Variants in KCNA6 observed in about 807,000 individuals in gnomAD.
KCNA6 encodes potassium voltage-gated channel subfamily A member 6.
KCNA6 carries 17 observed loss-of-function variants against 29.5 expected under a neutral mutation model. The ratio of observed to expected loss-of-function variants is 0.58; its 90% CI spans 0.39 to 0.86. KCNA6 has a LOEUF of 0.86. KCNA6 is among the 40% of genes least tolerant of loss of function. KCNA6 has a pLI of 0.00. For synonymous variants in KCNA6, 296 were observed against 304.7 expected, an observed-to-expected ratio of 0.97 and a Z score of 0.30; for missense variants, 450 against 703.4, an observed-to-expected ratio of 0.64 and a Z score of 4.07.
chr12:4,849,187 T>C, the KCNA6 span, among the ~76,000 whole-genome samples: 1 of 151,830 alleles, frequency 6.6e-6, no homozygotes, highest in Non-Finnish European at 1.5e-5. Flanking sequence ...AAGAACATGC[T>C]GTAGGTGGCG....
At chr12:4,821,912 C>G in the KCNA6 span, among the ~76,000 whole-genome samples, 2 of 152,218 alleles carry the variant, frequency 1.3e-5, 1 homozygote, top group South Asian at 4.2e-4. Flanking sequence ...TCTCGGCTCA[C>G]CGCAACCTCT....
rs1565402433 is a variant in KCNA6 at position 4,810,905 on chromosome 12, G to A, written c.864G>A (p.Lys288=). ...TGCGCTTCTCCGCCTGCCCTAGCAA[G>A]CCGGCCTTCTTCCGGAACATCATGA... Residue 288 remains lysine, a synonymous_variant, in exon 1 of 1, where the codon AAG becomes AAA. Coordinates refer to ENST00000280684, the Ensembl canonical transcript of KCNA6. The surrounding 1 kb of genome is among the most constrained non-coding windows in gnomAD (Gnocchi z 7.5). 6.2e-7 allele frequency: 1 copy of A among 1,614,088 alleles called. No homozygotes were observed. Among genetic ancestry groups the A allele is most frequent in the Non-Finnish European group, 8.5e-7 (1 of 1,180,046 alleles).
the KCNA6 span, among the ~76,000 whole-genome samples, chr12:4,823,584 T>C: frequency 6.6e-6 from 1 of 152,038 alleles, no homozygotes. Flanking sequence ...CTGGCCAATA[T>C]GGTGAAACTC....
the KCNA6 span, among the ~76,000 whole-genome samples, chr12:4,841,276 A>G: frequency 6.6e-6 from 1 of 152,194 alleles, no homozygotes; most frequent in East Asian, 1.9e-4. Flanking sequence ...TTTCTGTGTA[A>G]TAATGCTGTA....
At chr12:4,828,994 CTGTGTT>C in the KCNA6 span, among the ~76,000 whole-genome samples, 1 of 152,090 alleles carries the variant, frequency 6.6e-6, no homozygotes, top group African/African-American at 2.4e-5. Flanking sequence ...CTTGGGGTCT[CTGTGTT>C]TGTGAGTGCA....
At chr12:4,817,817 C>T (rs573386131), downstream of KCNA6, among the ~76,000 whole-genome samples, 8 of 152,282 alleles carry the variant, frequency 5.3e-5, no homozygotes, top group South Asian at 1.7e-3. Context: ...TCCTCGGTCA[C>T]GAGCCTCAGC....
chr12:4,838,171 T>C, the KCNA6 span, among the ~76,000 whole-genome samples: 1 of 152,188 alleles, frequency 6.6e-6, no homozygotes. Flanking sequence ...TAAGAACCCC[T>C]TCCTCAGACG....
the KCNA6 span, among the ~76,000 whole-genome samples, chr12:4,829,030 G>A: frequency 2.0e-5 from 3 of 152,216 alleles, no homozygotes; most frequent in East Asian, 5.8e-4. Context: ...ATATGCAAGT[G>A]TTTGTATAAT....
the KCNA6 span, among the ~76,000 whole-genome samples, chr12:4,843,714 A>T: frequency 6.6e-6 from 1 of 152,156 alleles, no homozygotes; most frequent in Non-Finnish European, 1.5e-5. Context: ...AAGTGGGAGC[A>T]GGCAGTTCAC....
At chr12:4,848,075 C>T in the KCNA6 span, among the ~76,000 whole-genome samples, 1 of 152,156 alleles carries the variant, frequency 6.6e-6, no homozygotes. Context: ...TTATATGGTG[C>T]CAGCTTTCCT....
chr12:4,838,562 C>G, the KCNA6 span, among the ~76,000 whole-genome samples: 1 of 152,190 alleles, frequency 6.6e-6, no homozygotes, highest in Non-Finnish European at 1.5e-5. Context: ...AAATGAGAAA[C>G]TCTGTTATGT....
the KCNA6 span, among the ~76,000 whole-genome samples, chr12:4,844,056 C>T: frequency 6.6e-6 from 1 of 151,746 alleles, no homozygotes; most frequent in Admixed American, 6.6e-5. The surrounding 1 kb of genome is among the most constrained non-coding windows in gnomAD (Gnocchi z 4.0). Flanking sequence ...ATTTTAAGTT[C>T]GTTTTCTGGG....
chr12:4,841,433 T>G, the KCNA6 span, among the ~76,000 whole-genome samples: 19,149 of 152,194 alleles, frequency 0.13, 1,371 homozygotes, highest in African/African-American at 0.18. Context: ...CAAAGCATAG[T>G]TGTTAAAACT....
At position 4,811,789 on chromosome 12, in the gene KCNA6, C is replaced by T. The variant is rs1396776738; in HGVS notation, c.*158C>T. On this transcript the variant is annotated 3_prime_UTR_variant, in exon 1 of 1. Coordinates refer to ENST00000280684, the Ensembl canonical transcript of KCNA6. This position sits in a 1 kb window ranked among gnomAD's most constrained non-coding sequence, Gnocchi z 7.1. ...AGGACCAAATACCTGGACTATCAAC[C>T]TTGTTGCTTAATCCCTGCAGCATTC... 2.5e-6 allele frequency: 2 copies of T among 811,042 alleles called. No homozygotes were observed. The highest frequency in any genetic ancestry group is 2.8e-5 in the Admixed American group (1 of 35,546). 50.2% of individuals were successfully genotyped at this position (811,042 alleles called of 1,614,324 possible).
At chr12:4,848,953 C>G in the KCNA6 span, among the ~76,000 whole-genome samples, 1 of 151,748 alleles carries the variant, frequency 6.6e-6, no homozygotes, top group African/African-American at 2.4e-5. Flanking sequence ...AACCCCGTCT[C>G]TGCTAAAAAT....
rs1946633005 is a variant in KCNA6 at position 4,811,636 on chromosome 12, T to C, written c.*5T>C. The C allele has an allele frequency of 6.2e-7, 1 of 1,609,630 alleles. No individual in the cohort carries two copies. The highest frequency in any genetic ancestry group is 8.5e-7 in the Non-Finnish European group (1 of 1,177,136). ...AGAATGCTCACGGAGGTCTGACCCA[T>C]GCAGGCAGGGCCTGCAGGAGGGGAG... On this transcript the variant is annotated 3_prime_UTR_variant, in exon 1 of 1. Coordinates refer to ENST00000280684, the Ensembl canonical transcript of KCNA6. This position sits in a 1 kb window ranked among gnomAD's most constrained non-coding sequence, Gnocchi z 7.1.
At chr12:4,850,419 A>G in the KCNA6 span, among the ~76,000 whole-genome samples, 1 of 151,884 alleles carries the variant, frequency 6.6e-6, no homozygotes, top group African/African-American at 2.4e-5. This position sits in a 1 kb window ranked among gnomAD's most constrained non-coding sequence, Gnocchi z 5.4. Context: ...CTTGGACTTG[A>G]CTCTAGAGGG....
the KCNA6 span, among the ~76,000 whole-genome samples, chr12:4,823,778 T>C: frequency 6.6e-6 from 1 of 152,110 alleles, no homozygotes; most frequent in Admixed American, 6.6e-5. Flanking sequence ...AATAAATAAA[T>C]AAATAATAAA....
chr12:4,814,587 A>G (rs11615432), downstream of KCNA6: 13,000 of 167,178 alleles, frequency 0.078, 627 homozygotes, highest in Non-Finnish European at 0.094. This position sits in a 1 kb window ranked among gnomAD's most constrained non-coding sequence, Gnocchi z 4.6. Flanking sequence ...TGCCTTGAGC[A>G]CCAAGAGAAT....
Sources: gnomAD v4.1 joint callset for allele counts (sites outside exome capture counted in the v4.1 genomes callset) on GRCh38, gnomAD v4.1.1 for gene constraint, Gnocchi (gnomAD v3.1) non-coding constraint, MANE v1.5 for transcripts, NCBI Gene and HGNC (gene_info 2026-07-23, HGNC 2026-07-21) for gene names.